The following EGFLAM variants were observed in gnomAD, a reference collection of about 807,000 sequenced individuals.
EGFLAM encodes the protein EGF like, fibronectin type III and laminin G domains, also known as pikachurin.
A neutral mutation model predicts 113.1 loss-of-function variants in EGFLAM; 79 were observed. That is an observed-to-expected ratio of 0.70 (90% CI 0.58 to 0.84). EGFLAM has a LOEUF of 0.84. Ranked by LOEUF, EGFLAM falls within the 40% of genes least tolerant of loss-of-function variation. EGFLAM has a pLI of 0.00. For missense variants in EGFLAM, 1,265 were observed against 1,291.6 expected, an observed-to-expected ratio of 0.98 and a Z score of 0.32; for synonymous variants, 504 against 487.6, an observed-to-expected ratio of 1.03 and a Z score of -0.44.
At chr5:38,334,199 C>A (rs1056661045) in intron 1 of EGFLAM, among the ~76,000 whole-genome samples, 6 of 152,206 alleles carry the variant, frequency 3.9e-5, no homozygotes, top group Non-Finnish European at 8.8e-5. Context: ...GCTGGGATTA[C>A]AGGCGTGAGC....
At chr5:38,305,225 G>A (rs1018278486) in intron 1 of EGFLAM, among the ~76,000 whole-genome samples, 4 of 152,110 alleles carry the variant, frequency 2.6e-5, no homozygotes, top group African/African-American at 7.2e-5. Context: ...CAAAATTCCA[G>A]AAAGTAAAAA....
chr5:38,359,627 A>T lies in EGFLAM; in HGVS notation c.545+7296A>T, dbSNP rs181643311. Among the ~76,000 whole-genome samples, 206 of 152,300 alleles carry T rather than the reference A, an allele frequency of 1.4e-3. 1 individual carries two copies. The highest frequency in any genetic ancestry group is 4.6e-3 in the African/African-American group (190 of 41,558). On this transcript the variant is annotated intron_variant, in intron 5 of 21. Transcript: ENST00000322350. ...GAGGTGGAGTTTGCAGTGAACCTAG[A>T]TCATGCCACTGCGCTCCAGTCTGGG...
intron 17 of EGFLAM, chr5:38,445,762 C>T: frequency 1.3e-6 from 2 of 1,554,692 alleles, no homozygotes; most frequent in Non-Finnish European, 1.8e-6. Context: ...GCAGGCCAAC[C>T]GCATGCAGGG....
chr5:38,292,374 T>C (rs1017599794), intron 1 of EGFLAM, among the ~76,000 whole-genome samples: 3 of 152,244 alleles, frequency 2.0e-5, no homozygotes, highest in African/African-American at 7.2e-5. Context: ...GTGTTTCATG[T>C]GTTTGTCACT....
intron 1 of EGFLAM, among the ~76,000 whole-genome samples, chr5:38,336,147 G>A (rs1385640895): frequency 6.6e-5 from 10 of 152,008 alleles, no homozygotes; most frequent in Admixed American, 1.3e-4. Flanking sequence ...ATTTACAGCC[G>A]TTAAAAATAA....
chr5:38,410,501 G>A (rs66582764), intron 10 of EGFLAM, among the ~76,000 whole-genome samples: 8,555 of 152,256 alleles, frequency 0.056, 264 homozygotes, highest in Middle Eastern at 0.099. Context: ...GAGACAAAGG[G>A]AGGGCCTGAG....
chr5:38,460,163 C>T (rs1454528415), intron 20 of EGFLAM, among the ~76,000 whole-genome samples: 5 of 152,228 alleles, frequency 3.3e-5, no homozygotes, highest in African/African-American at 9.6e-5. Flanking sequence ...TTGATCCCTA[C>T]AAATCCCCAC....
chr5:38,391,384 T>TTGTGTGTGTGTG (rs758900897), intron 6 of EGFLAM, among the ~76,000 whole-genome samples: 2,323 of 97,958 alleles, frequency 0.024, 73 homozygotes, highest in African/African-American at 0.078. Context: ...TTTCTTTTCT[T>TTGTGTGTGTGTG]TGTGTGTGTG....
At chr5:38,332,269 T>C (rs746975827) in intron 1 of EGFLAM, among the ~76,000 whole-genome samples, 124 of 152,336 alleles carry the variant, frequency 8.1e-4, no homozygotes, top group Admixed American at 1.7e-3. Flanking sequence ...ATCTTTCTTT[T>C]TTGGTTTGTT....
At chr5:38,376,970 C>A (rs538007819) in intron 6 of EGFLAM, among the ~76,000 whole-genome samples, 2 of 151,840 alleles carry the variant, frequency 1.3e-5, no homozygotes, top group Non-Finnish European at 2.9e-5. Context: ...GTGCTCGACC[C>A]CAGGCTTCTG....
chr5:38,412,623 G>A lies in EGFLAM; in HGVS notation c.1469G>A (p.Gly490Asp), dbSNP rs1381960675. The stretch of plus-strand genomic sequence containing the variant: ...AACGGGCTGCTGCAGCTGAACAATG[G>A]CACCCCAGTGACAGGCCAGTCTCAG... Reference protein sequence around the residue: ...GLNGLLQLNNGTPVTGQSQGQ... With the variant: ...GLNGLLQLNNDTPVTGQSQGQ... Residue 490 changes from glycine (G) to aspartate (D), a missense_variant, in exon 11 of 22, where the codon GGC becomes GAC. Gly to Asp is a moderately conservative substitution (Grantham distance 94). Coordinates refer to ENST00000322350, the MANE Select transcript of EGFLAM (RefSeq NM_152403.4). 5 of 1,614,070 alleles carry A rather than the reference G, an allele frequency of 3.1e-6. No individual in the cohort carries two copies. The highest frequency in any genetic ancestry group is 4.2e-6 in the Non-Finnish European group (5 of 1,180,026).
chr5:38,360,336 A>C lies in EGFLAM; in HGVS notation c.545+8005A>C, dbSNP rs1178133746. On this transcript the variant is annotated intron_variant, in intron 5 of 21. Transcript: ENST00000322350. ...CATCTCTTGAGGTTTAAGTGTGTCC[A>C]AATGTGGAATCAGGAGAGATGGTTC... 2.6e-5 allele frequency among the ~76,000 whole-genome samples: 4 copies of C among 152,226 alleles called. No individual in the cohort carries two copies. In the East Asian group the frequency reaches 7.7e-4, roughly 29 times the overall value.
chr5:38,440,404 C>T (rs888762124), intron 17 of EGFLAM, among the ~76,000 whole-genome samples: 1 of 152,122 alleles, frequency 6.6e-6, no homozygotes, highest in Non-Finnish European at 1.5e-5. Flanking sequence ...TAATGGGGCT[C>T]TGCAACAATT....
intron 12 of EGFLAM, among the ~76,000 whole-genome samples, chr5:38,421,809 G>A (rs1250407663): frequency 1.3e-5 from 2 of 152,124 alleles, no homozygotes; most frequent in Non-Finnish European, 2.9e-5. Context: ...AAAATGTGGA[G>A]AAGGGAAAGA....
chr5:38,312,257 T>G (rs1209516070), intron 1 of EGFLAM, among the ~76,000 whole-genome samples: 6 of 151,870 alleles, frequency 4.0e-5, no homozygotes, highest in Non-Finnish European at 7.4e-5. Flanking sequence ...TTTTTTTTTT[T>G]TTGAGACAGA....
chr5:38,287,000 C>T (rs915442115), intron 1 of EGFLAM, among the ~76,000 whole-genome samples: 1 of 152,110 alleles, frequency 6.6e-6, no homozygotes, highest in Non-Finnish European at 1.5e-5. Flanking sequence ...GACAAGAGGG[C>T]CTATGAGGGC....
chr5:38,438,420 G>A lies in EGFLAM; in HGVS notation c.2429G>A (p.Cys810Tyr), dbSNP rs993843958. Residue 810 changes from cysteine (C) to tyrosine (Y), a missense_variant, in exon 17 of 22, where the codon TGC becomes TAC. Cys to Tyr is a radical substitution (Grantham distance 194). Transcript: ENST00000322350. ...AGGAAGGAGGGCTATGACTGTGACT[G>A]CCCCTTGGGCTTTGAGGGGCTTCAC... ...RPRKEGYDCD[C>Y]PLGFEGLHCQ... 2.5e-6 allele frequency: 4 copies of A among 1,612,552 alleles called. No individual in the cohort carries two copies. The African/African-American group carries it at 5.3e-5, about 22-fold the overall frequency.
intron 12 of EGFLAM, 119 bp from the exon 13 acceptor site, chr5:38,424,848 A>C (rs1413957517): frequency 7.3e-7 from 1 of 1,362,264 alleles, no homozygotes; most frequent in African/African-American, 1.5e-5. Flanking sequence ...CTGCAAATCA[A>C]CAGGAGTAAG....
chr5:38,281,526 C>T (rs1370045881), intron 1 of EGFLAM, among the ~76,000 whole-genome samples: 1 of 152,132 alleles, frequency 6.6e-6, no homozygotes, highest in African/African-American at 2.4e-5. Context: ...TCTGAGAACT[C>T]TAATCATATA....
Sources: gnomAD v4.1 joint callset for allele counts (sites outside exome capture counted in the v4.1 genomes callset) on GRCh38, gnomAD v4.1.1 for gene constraint, MANE v1.5 for transcripts, NCBI Gene and HGNC (gene_info 2026-07-23, HGNC 2026-07-21) for gene names.